The following DDB2 variants were observed in gnomAD, a reference collection of about 807,000 sequenced individuals.
DDB2 encodes the protein DNA damage-binding protein 2.
A neutral mutation model predicts 50.5 loss-of-function variants in DDB2; 27 were observed. The ratio of observed to expected loss-of-function variants is 0.53; its 90% confidence interval spans 0.39 to 0.74. The LOEUF (loss-of-function observed/expected upper bound fraction) is 0.74, where lower values mean the gene tolerates loss of function less well. Ranked by LOEUF, DDB2 falls within the 30% of genes least tolerant of loss-of-function variation. DDB2 has a pLI of 0.00. For synonymous variants in DDB2, 176 were observed against 205.5 expected, an observed-to-expected ratio of 0.86 and a Z score of 1.23; for missense variants, 424 against 545.6, an observed-to-expected ratio of 0.78 and a Z score of 2.22.
chr11:47,219,901 C>T (rs1005259398), intron 3 of DDB2, among the ~76,000 whole-genome samples: 8 of 152,220 alleles, frequency 5.3e-5, no homozygotes, highest in African/African-American at 1.9e-4. Flanking sequence ...GATTCTCCTG[C>T]CTCAGCCTCC....
intron 3 of DDB2, among the ~76,000 whole-genome samples, chr11:47,218,246 A>G (rs1231959751): frequency 2.6e-5 from 4 of 152,164 alleles, no homozygotes; most frequent in African/African-American, 9.7e-5. Flanking sequence ...TTGCCCACTG[A>G]TGGCAGGGAC....
intron 2 of DDB2, 141 bp downstream of exon 2, chr11:47,216,613 G>A: frequency 8.5e-6 from 11 of 1,300,244 alleles, no homozygotes; most frequent in Non-Finnish European, 1.2e-5. Context: ...GGCCTACTGG[G>A]CACTCAGCCA....
intron 4 of DDB2, 120 bp downstream of exon 4, chr11:47,233,079 C>T: frequency 8.6e-7 from 1 of 1,162,368 alleles, no homozygotes; most frequent in Non-Finnish European, 1.3e-6. Flanking sequence ...AGATGTCAGC[C>T]ACTTTCCGCC....
intron 3 of DDB2, among the ~76,000 whole-genome samples, chr11:47,218,852 G>A (rs539857030): frequency 6.6e-6 from 1 of 151,766 alleles, no homozygotes; most frequent in Non-Finnish European, 1.5e-5. Context: ...CTCAAACAAA[G>A]ACACAAATCC....
In DDB2 at chr11:47,238,180, A is replaced by G. The variant is rs767767775; in HGVS notation, c.1231A>G (p.Met411Val). 5 of 1,610,068 alleles carry G rather than the reference A, an allele frequency of 3.1e-6. No individual in the cohort carries two copies. Among genetic ancestry groups the G allele is most frequent in the East Asian group, 2.2e-5 (1 of 44,844 alleles). ...CATGGGGGACACGCTGGCCTCTGCA[A>G]TGGGTGAGTAGGAGGAGAATGTCTC... ...NPMGDTLASAMGYHILIWSQE... is the reference protein window; with the variant it reads ...NPMGDTLASAVGYHILIWSQE... The change falls in exon 9 of 10, where the codon ATG becomes GTG. Residue 411 changes from methionine to valine, a missense_variant. Met to Val is a conservative substitution (Grantham distance 21). Coordinates refer to ENST00000256996, the MANE Select transcript of DDB2 (RefSeq NM_000107.3).
intron 9 of DDB2, 149 bp downstream of exon 9, chr11:47,238,332 C>T (rs1007170403): frequency 2.7e-6 from 2 of 742,644 alleles, no homozygotes; most frequent in African/African-American, 1.7e-5. Flanking sequence ...TCTCTATAGC[C>T]AAGGCCCTCC....
intron 4 of DDB2, 89 bp from the exon 5 acceptor site, chr11:47,234,484 C>T (rs141994037): frequency 1.2e-5 from 12 of 984,274 alleles, no homozygotes; most frequent in Admixed American, 6.8e-5. Flanking sequence ...ATTGAATGCC[C>T]GCTGTGGGTT....
chr11:47,219,292 C>A (rs749770646), intron 3 of DDB2, among the ~76,000 whole-genome samples: 1 of 152,140 alleles, frequency 6.6e-6, no homozygotes, highest in Admixed American at 6.6e-5. Flanking sequence ...AATTTACTTT[C>A]GTAACCATTT....
At chr11:47,237,657 G>C in intron 7 of DDB2, 180 bp from the exon 8 acceptor site, 1 of 636,012 alleles carries the variant, frequency 1.6e-6, no homozygotes, top group Non-Finnish European at 2.8e-6. Context: ...GGATGGTCTC[G>C]ATCTCCTGAC....
At chr11:47,218,057 T>C (rs1953426986) in intron 3 of DDB2, among the ~76,000 whole-genome samples, 1 of 152,222 alleles carries the variant, frequency 6.6e-6, no homozygotes, top group African/African-American at 2.4e-5. Flanking sequence ...GGTCTTCTCA[T>C]GGCTGGCGTC....
At chr11:47,222,768 A>C (rs139895994) in intron 3 of DDB2, among the ~76,000 whole-genome samples, 112 of 152,370 alleles carry the variant, frequency 7.4e-4, no homozygotes, top group Non-Finnish European at 1.4e-3. Flanking sequence ...ATTTGTGTGG[A>C]TATATGTTTT....
intron 3 of DDB2, among the ~76,000 whole-genome samples, chr11:47,230,051 A>G (rs1009071386): frequency 6.7e-6 from 1 of 148,670 alleles, no homozygotes; most frequent in Non-Finnish European, 1.5e-5. Flanking sequence ...CTGTAACAGC[A>G]CTTTGGGACG....
rs116186033 is a variant in DDB2 at position 47,230,835 on chromosome 11, G to A, written c.457-1979G>A. On this transcript the variant is annotated intron_variant, in intron 3 of 9. Transcript: ENST00000256996. ...GGGGATGTAAAGTTCTTAAAACAGTGCCTGACTGGGCGCAGTGGCTCACGC... is the reference window on the plus strand; with the variant it reads ...GGGGATGTAAAGTTCTTAAAACAGTACCTGACTGGGCGCAGTGGCTCACGC... Among the ~76,000 whole-genome samples, 299 of 152,220 alleles carry A rather than the reference G, an allele frequency of 2.0e-3. 1 individual carries two copies. Among genetic ancestry groups the A allele is most frequent in the African/African-American group, 6.9e-3 (287 of 41,544 alleles).
intron 2 of DDB2, 100 bp from the exon 3 acceptor site, chr11:47,216,755 GGGA>G: frequency 8.1e-7 from 1 of 1,230,352 alleles, no homozygotes; most frequent in East Asian, 2.3e-5. Context: ...TTCCTTTGGT[GGGA>G]GGACTTGGAT....
intron 3 of DDB2, among the ~76,000 whole-genome samples, chr11:47,222,162 T>C (rs1195388915): frequency 6.6e-6 from 1 of 152,316 alleles, no homozygotes; most frequent in African/African-American, 2.4e-5. Context: ...CACCCCTCTC[T>C]ACCCAATATC....
chr11:47,235,514 C>A, intron 7 of DDB2, 102 bp downstream of exon 7: 2 of 1,294,214 alleles, frequency 1.5e-6, no homozygotes, highest in Non-Finnish European at 2.2e-6. Context: ...AGCCTGCCAC[C>A]CCAGATCGCT....
chr11:47,238,724 A>G, intron 9 of DDB2, 76 bp from the exon 10 acceptor site: 1 of 1,530,714 alleles, frequency 6.5e-7, no homozygotes, highest in Non-Finnish European at 9.0e-7. Flanking sequence ...ACCAAATTGT[A>G]GGTTTGCGGG....
In DDB2 at chr11:47,234,772, A is replaced by G. The variant is rs762496558; in HGVS notation, c.718A>G (p.Met240Val). 3 of 1,614,180 alleles carry G rather than the reference A, an allele frequency of 1.9e-6. No homozygotes were observed. The highest frequency in any genetic ancestry group is 2.2e-5 in the South Asian group (2 of 91,086). The change falls in exon 6 of 10, where the codon ATG becomes GTG. Residue 240 changes from methionine (M) to valine (V), a missense_variant. Met to Val is a conservative substitution (Grantham distance 21). Coordinates refer to ENST00000256996, the MANE Select transcript of DDB2 (RefSeq NM_000107.3). ...MDGKELWNLR[M>V]HKKKVTHVAL... ...TTCTCTGCAGCTTTGGAATCTCAGAATGCACAAAAAGAAAGTGACGCATGT... is the reference window on the plus strand; with the variant it reads ...TTCTCTGCAGCTTTGGAATCTCAGAGTGCACAAAAAGAAAGTGACGCATGT...
chr11:47,215,200 A>C lies in DDB2; in HGVS notation c.64A>C (p.Lys22Gln). The C allele has an allele frequency of 6.2e-7, 1 of 1,614,012 alleles. No individual in the cohort carries two copies. Among genetic ancestry groups the C allele is most frequent in the East Asian group, 2.2e-5 (1 of 44,854 alleles). The change falls in exon 1 of 10, where the codon AAG becomes CAG. Residue 22 changes from lysine to glutamine, a missense_variant. Lys to Gln is a moderately conservative substitution (Grantham distance 53). Transcript: ENST00000256996. ...TSEIVLRPRN[K>Q]RSRSPLELEP... ...CGAGATTGTATTACGCCCCAGGAACAAGAGGAGCAGGAGTCCCCTGGAGCT... is the reference window on the plus strand; with the variant it reads ...CGAGATTGTATTACGCCCCAGGAACCAGAGGAGCAGGAGTCCCCTGGAGCT...
Sources: gnomAD v4.1 joint callset for allele counts (sites outside exome capture counted in the v4.1 genomes callset) on GRCh38, gnomAD v4.1.1 for gene constraint, MANE v1.5 for transcripts, NCBI Gene and HGNC (gene_info 2026-07-23, HGNC 2026-07-21) for gene names.